Variants in SH2D4A observed in about 807,000 individuals in gnomAD.
The protein encoded by SH2D4A is SH2 domain-containing protein 4A.
A neutral mutation model predicts 64.7 loss-of-function variants in SH2D4A; 70 were observed. The ratio of observed to expected loss-of-function variants is 1.08; its 90% CI spans 0.89 to 1.32. The LOEUF (loss-of-function observed/expected upper bound fraction) is 1.32. SH2D4A is among the 40% of genes most tolerant of loss of function. The probability of loss-of-function intolerance (pLI) is 0.00; values close to 1 mark genes in which losing one functional copy is unlikely to be tolerated. For missense variants in SH2D4A, 706 were observed against 540.1 expected, an observed-to-expected ratio of 1.31 and a Z score of -3.04; for synonymous variants, 268 against 200.7, an observed-to-expected ratio of 1.34 and a Z score of -2.83.
At chr8:19,356,319 CCTT>C (rs1258319048) in intron 4 of SH2D4A, among the ~76,000 whole-genome samples, 1 of 152,210 alleles carries the variant, frequency 6.6e-6, no homozygotes, top group African/African-American at 2.4e-5. Context: ...CCTCTGTACT[CCTT>C]CTGAATGGTG....
chr8:19,357,123 C>A, intron 4 of SH2D4A, 80 bp from the exon 5 acceptor site: 1 of 1,173,944 alleles, frequency 8.5e-7, no homozygotes, highest in South Asian at 1.3e-5. Context: ...ATTAGGGAAA[C>A]CAGGGAAACA....
At chr8:19,327,265 A>G (rs2052296917) in intron 2 of SH2D4A, among the ~76,000 whole-genome samples, 2 of 152,330 alleles carry the variant, frequency 1.3e-5, no homozygotes, top group African/African-American at 4.8e-5. Context: ...GACTGGAAAG[A>G]GAAACCCTGT....
At chr8:19,374,709 T>C (rs545803483) in intron 8 of SH2D4A, among the ~76,000 whole-genome samples, 1 of 152,288 alleles carries the variant, frequency 6.6e-6, no homozygotes, top group Admixed American at 6.5e-5. Flanking sequence ...CTTTGTTAAG[T>C]ATCCATCTCA....
intron 7 of SH2D4A, among the ~76,000 whole-genome samples, chr8:19,364,940 A>G (rs1053102395): frequency 5.9e-5 from 9 of 152,234 alleles, no homozygotes; most frequent in Admixed American, 1.3e-4. Context: ...CAATGATGCT[A>G]TTAAACCCCC....
At position 19,364,232 on chromosome 8, in the gene SH2D4A, A is replaced by C. The variant is rs935824504; in HGVS notation, c.867A>C (p.Pro289=). Residue 289 remains proline (P), a synonymous_variant, in exon 7 of 10, where the codon CCA becomes CCC. Transcript: ENST00000265807. ...AGAAACCAGAAAGACCTCCCCTTCCACCCAAGCCTCAGTTCCTAAACTCAG... is the reference window on the plus strand; with the variant it reads ...AGAAACCAGAAAGACCTCCCCTTCCCCCCAAGCCTCAGTTCCTAAACTCAG... ...VPQKPERPPL[P]PKPQFLNSGA... 1 of 1,614,132 alleles carries C rather than the reference A, an allele frequency of 6.2e-7. No individual in the cohort carries two copies. The highest frequency in any genetic ancestry group is 8.5e-7 in the Non-Finnish European group (1 of 1,179,986).
At chr8:19,348,317 G>A (rs1391859150) in intron 4 of SH2D4A, among the ~76,000 whole-genome samples, 1 of 152,042 alleles carries the variant, frequency 6.6e-6, no homozygotes, top group African/African-American at 2.4e-5. Context: ...GGCTGCTCTT[G>A]AACTTCTGGG....
chr8:19,371,934 ACT>A (rs1472164634), intron 7 of SH2D4A, among the ~76,000 whole-genome samples: 1 of 151,832 alleles, frequency 6.6e-6, no homozygotes, highest in Non-Finnish European at 1.5e-5. Context: ...TTTTGAATTG[ACT>A]CTGTTCTTTC....
chr8:19,318,917 A>G (rs1015668015), intron 1 of SH2D4A, among the ~76,000 whole-genome samples: 8 of 151,254 alleles, frequency 5.3e-5, no homozygotes, highest in African/African-American at 1.9e-4. Context: ...TCTGTGACAT[A>G]TCAAAAGTGG....
intron 4 of SH2D4A, among the ~76,000 whole-genome samples, chr8:19,341,978 A>G (rs1235457852): frequency 6.6e-6 from 1 of 152,184 alleles, no homozygotes; most frequent in Non-Finnish European, 1.5e-5. Flanking sequence ...ATGGGTGAAA[A>G]TTAAATTCAA....
Position 19,395,896 on chromosome 8 carries a change from A to G in SH2D4A, c.*1254A>G, listed in dbSNP as rs1393168338. ...TTTATGTAATTACATAACCTGACAC[A>G]CAAGATCGACCCATTCACTGCTGCC... On this transcript the variant is annotated 3_prime_UTR_variant, in exon 10 of 10. Coordinates refer to ENST00000265807, the MANE Select transcript of SH2D4A (RefSeq NM_022071.4). The G allele has an allele frequency of 6.6e-6, 1 of 152,126 alleles. No homozygotes were observed. Among genetic ancestry groups the G allele is most frequent in the Non-Finnish European group, 1.5e-5 (1 of 68,028 alleles). The allele number at this position is 152,126 out of a possible 1,614,324, so 9.4% of individuals were successfully genotyped here.
intron 8 of SH2D4A, among the ~76,000 whole-genome samples, chr8:19,378,596 C>T (rs886655448): frequency 1.4e-4 from 22 of 152,044 alleles, no homozygotes; most frequent in African/African-American, 5.1e-4. Flanking sequence ...CCACCATGCC[C>T]TGCTAACTTG....
chr8:19,325,619 C>G (rs1268954551), intron 2 of SH2D4A, among the ~76,000 whole-genome samples: 1 of 152,160 alleles, frequency 6.6e-6, no homozygotes, highest in Non-Finnish European at 1.5e-5. Flanking sequence ...TGTCCTCTCT[C>G]TATTTTCTAG....
At chr8:19,363,617 C>T (rs2052931163) in intron 6 of SH2D4A, among the ~76,000 whole-genome samples, 1 of 152,158 alleles carries the variant, frequency 6.6e-6, no homozygotes, top group Non-Finnish European at 1.5e-5. Flanking sequence ...ACCCTATGCA[C>T]AGCCCCATGC....
chr8:19,322,735 A>G (rs2052213444), intron 2 of SH2D4A, among the ~76,000 whole-genome samples: 1 of 147,878 alleles, frequency 6.8e-6, no homozygotes, highest in Non-Finnish European at 1.5e-5. Flanking sequence ...GTGGTGTGAC[A>G]TTTCAACTCA....
chr8:19,321,684 C>T (rs191391988), intron 2 of SH2D4A, among the ~76,000 whole-genome samples: 5 of 152,280 alleles, frequency 3.3e-5, no homozygotes, highest in African/African-American at 1.2e-4. Flanking sequence ...GTTTATGCAC[C>T]TTCTTGGATT....
chr8:19,337,756 A>G (rs181222722), intron 4 of SH2D4A, among the ~76,000 whole-genome samples: 71 of 152,302 alleles, frequency 4.7e-4, no homozygotes, highest in Non-Finnish European at 6.8e-4. Flanking sequence ...ATCAGATCTC[A>G]TGAGACCCAC....
At chr8:19,364,363 T>C in intron 7 of SH2D4A, 81 bp downstream of exon 7, 1 of 1,489,274 alleles carries the variant, frequency 6.7e-7, no homozygotes. Context: ...GGGAATTGTA[T>C]GAGCTGCCAT....
rs1319177092 is a variant in SH2D4A at position 19,394,458 on chromosome 8, A to C, written c.1273-92A>C. On this transcript the variant is annotated intron_variant, in intron 9 of 9. Coordinates refer to ENST00000265807, the MANE Select transcript of SH2D4A (RefSeq NM_022071.4). ...AAACCACAAAAGCTTTGTGTAAATC[A>C]TGGGTAGGCAGCTAGTGATGTCCTC... 1.4e-5 allele frequency: 11 copies of C among 806,814 alleles called. No individual in the cohort carries two copies. In the East Asian group the frequency reaches 3.1e-4, roughly 23 times the overall value. The allele number at this position is 806,814 out of a possible 1,614,324, so 50.0% of individuals were successfully genotyped here.
At chr8:19,323,187 G>A (rs1257159450) in intron 2 of SH2D4A, among the ~76,000 whole-genome samples, 1 of 152,018 alleles carries the variant, frequency 6.6e-6, no homozygotes, top group African/African-American at 2.4e-5. Flanking sequence ...CAAGCCACAT[G>A]TGGCTCTTGA....
Sources: gnomAD v4.1 joint callset for allele counts (sites outside exome capture counted in the v4.1 genomes callset) on GRCh38, gnomAD v4.1.1 for gene constraint, MANE v1.5 for transcripts, NCBI Gene and HGNC (gene_info 2026-07-23, HGNC 2026-07-21) for gene names.